Variants in FGF14 observed in about 807,000 individuals in gnomAD.
The protein encoded by FGF14 is fibroblast growth factor homologous factor 4.
FGF14 carries 5 observed loss-of-function variants against 25.5 expected under a neutral mutation model. The ratio of observed to expected loss-of-function variants is 0.20; its 90% CI spans 0.10 to 0.41. The LOEUF (loss-of-function observed/expected upper bound fraction) is 0.41. Among genes scored for constraint, FGF14 ranks in the 10% least tolerant of loss-of-function variants. The pLI, the probability that FGF14 is intolerant of heterozygous loss-of-function variation, is 1.00. For synonymous variants in FGF14, 138 were observed against 118.3 expected (o/e 1.17, Z -1.08); for missense variants, 222 against 320.1 (o/e 0.69, Z 2.34).
chr13:101,925,636 C>A (rs1198915495), intron 1 of FGF14, among the ~76,000 whole-genome samples: 1 of 152,188 alleles, frequency 6.6e-6, no homozygotes, highest in East Asian at 1.9e-4. Flanking sequence ...ATGCCTTATT[C>A]CTGAGCCTAG....
intron 1 of FGF14, among the ~76,000 whole-genome samples, chr13:102,288,873 C>G (rs540256858): frequency 6.6e-6 from 1 of 152,140 alleles, no homozygotes. Context: ...GCATGAGCCA[C>G]CACTCCTCAC....
chr13:101,756,697 C>T (rs1479836308), intron 3 of FGF14, among the ~76,000 whole-genome samples: 1 of 152,172 alleles, frequency 6.6e-6, no homozygotes, highest in African/African-American at 2.4e-5. Flanking sequence ...CGTGCCACTG[C>T]ACTCCAGCCT....
chr13:102,092,623 T>A (rs1354678764), intron 1 of FGF14, among the ~76,000 whole-genome samples: 1 of 152,106 alleles, frequency 6.6e-6, no homozygotes, highest in Non-Finnish European at 1.5e-5. Context: ...TTAGCCCCTA[T>A]AAACACATTT....
intron 1 of FGF14, among the ~76,000 whole-genome samples, chr13:102,189,946 C>T (rs148340792): frequency 1.5e-3 from 224 of 152,202 alleles, no homozygotes; most frequent in African/African-American, 5.2e-3. Context: ...AAGATGGTAC[C>T]AAGCCATTCA....
intron 1 of FGF14, among the ~76,000 whole-genome samples, chr13:102,303,995 G>C (rs934306299): frequency 5.3e-5 from 8 of 152,094 alleles, no homozygotes; most frequent in Non-Finnish European, 1.2e-4. Flanking sequence ...TTTGGAATTA[G>C]CATATCTTCA....
At chr13:102,328,100 G>A (rs921083827) in intron 1 of FGF14, among the ~76,000 whole-genome samples, 24 of 152,066 alleles carry the variant, frequency 1.6e-4, no homozygotes, top group African/African-American at 5.5e-4. Flanking sequence ...ACCAGAGCAC[G>A]AATGGTCTTC....
chr13:102,249,188 T>C (rs560549184), intron 1 of FGF14, among the ~76,000 whole-genome samples: 12 of 152,124 alleles, frequency 7.9e-5, no homozygotes, highest in South Asian at 2.1e-4. Flanking sequence ...CCAAAAATGA[T>C]AGAAAGATTT....
intron 3 of FGF14, among the ~76,000 whole-genome samples, chr13:101,837,989 T>A (rs1376232535): frequency 6.6e-6 from 1 of 151,934 alleles, no homozygotes; most frequent in East Asian, 1.9e-4. Context: ...CCGGCCTGTG[T>A]CCTTCTCCCA....
At chr13:101,963,261 AT>A (rs1715621875) in intron 1 of FGF14, among the ~76,000 whole-genome samples, 1 of 152,240 alleles carries the variant, frequency 6.6e-6, no homozygotes, top group Admixed American at 6.5e-5. Context: ...TATTCTAGAA[AT>A]GTTAATTCCC....
At chr13:101,846,406 T>G (rs1426101158) in intron 3 of FGF14, among the ~76,000 whole-genome samples, 1 of 152,012 alleles carries the variant, frequency 6.6e-6, no homozygotes, top group Non-Finnish European at 1.5e-5. Context: ...CTACTAAAAA[T>G]GCAGACATTT....
intron 1 of FGF14, among the ~76,000 whole-genome samples, chr13:102,044,975 T>C (rs1465791890): frequency 1.3e-5 from 2 of 152,174 alleles, no homozygotes; most frequent in Admixed American, 6.6e-5. Context: ...CTCATTCTTA[T>C]ACAAGGACAG....
chr13:102,059,165 A>C (rs1193979833), intron 1 of FGF14, among the ~76,000 whole-genome samples: 2 of 152,302 alleles, frequency 1.3e-5, no homozygotes, highest in East Asian at 3.9e-4. Context: ...TTGAAGAAGG[A>C]AATGTCCTCT....
At chr13:101,963,971 T>C (rs988497935) in intron 1 of FGF14, among the ~76,000 whole-genome samples, 9 of 152,184 alleles carry the variant, frequency 5.9e-5, no homozygotes, top group Non-Finnish European at 1.2e-4. Context: ...ATACATGTAA[T>C]AAAAAGATAT....
At chr13:101,947,611 C>A (rs900650347) in intron 1 of FGF14, among the ~76,000 whole-genome samples, 4 of 152,160 alleles carry the variant, frequency 2.6e-5, no homozygotes, top group African/African-American at 9.7e-5. Flanking sequence ...CACATGTCTT[C>A]ACCTATAAGT....
chr13:102,108,456 A>G (rs1487461406), intron 1 of FGF14, among the ~76,000 whole-genome samples: 1 of 152,186 alleles, frequency 6.6e-6, no homozygotes, highest in African/African-American at 2.4e-5. Flanking sequence ...CTACGGGGAG[A>G]CGTGTTTAAA....
At chr13:102,267,164 T>C (rs1382724112) in intron 1 of FGF14, among the ~76,000 whole-genome samples, 2 of 152,190 alleles carry the variant, frequency 1.3e-5, no homozygotes, top group African/African-American at 4.8e-5. Context: ...ATTATTATTA[T>C]ACTTTAAGTT....
intron 4 of FGF14, among the ~76,000 whole-genome samples, chr13:101,724,317 T>A (rs1453681895): frequency 6.6e-6 from 1 of 151,720 alleles, no homozygotes. Flanking sequence ...CTGGAAACCA[T>A]CATTCTCAGC....
intron 1 of FGF14, among the ~76,000 whole-genome samples, chr13:102,121,791 T>C (rs1479191203): frequency 6.6e-6 from 1 of 152,224 alleles, no homozygotes; most frequent in Non-Finnish European, 1.5e-5. Context: ...ACAAAGTTAA[T>C]GGAGTGTAAA....
intron 1 of FGF14, among the ~76,000 whole-genome samples, chr13:102,129,647 T>C (rs503839): frequency 0.027 from 4,054 of 150,544 alleles, 184 homozygotes; most frequent in African/African-American, 0.094. Flanking sequence ...TTACTGATAA[T>C]GCACACAGGA....
Sources: allele counts gnomAD v4.1 joint callset (sites outside exome capture counted in the v4.1 genomes callset), GRCh38; gene constraint gnomAD v4.1.1; transcripts MANE v1.5; gene names NCBI Gene and HGNC (gene_info 2026-07-23, HGNC 2026-07-21).